ZMYND11: variants seen among roughly 807,000 people sequenced by gnomAD.
The protein encoded by ZMYND11 is zinc finger MYND domain-containing protein 11.
In ZMYND11, 9 loss-of-function variants were observed where a neutral mutation model predicts 84.9. That is an observed-to-expected ratio of 0.11 (90% CI 0.06 to 0.18). The LOEUF (loss-of-function observed/expected upper bound fraction) is 0.18, where lower values mean the gene tolerates loss of function less well. Among genes scored for constraint, ZMYND11 ranks in the 10% least tolerant of loss-of-function variants. The probability of loss-of-function intolerance (pLI) is 1.00; values close to 1 mark genes in which losing one functional copy is unlikely to be tolerated. For synonymous variants in ZMYND11, 250 were observed against 244.1 expected, an observed-to-expected ratio of 1.02 and a Z score of -0.23; for missense variants, 409 against 761.0, an observed-to-expected ratio of 0.54 and a Z score of 5.44.
intron 1 of ZMYND11, among the ~76,000 whole-genome samples, chr10:163,508 C>T (rs11250575): frequency 0.26 from 40,221 of 151,970 alleles, 6,005 homozygotes; most frequent in Non-Finnish European, 0.35. Context: ...AACCCTTTAA[C>T]GGAATTTGTT....
chr10:251,218 A>T (rs1953419950), intron 14 of ZMYND11, among the ~76,000 whole-genome samples: 1 of 152,140 alleles, frequency 6.6e-6, no homozygotes, highest in Non-Finnish European at 1.5e-5. Flanking sequence ...TATTTGGGAG[A>T]AGGGATGGTG....
chr10:130,773 T>A (rs1402560727), upstream of ZMYND11, among the ~76,000 whole-genome samples: 1 of 152,112 alleles, frequency 6.6e-6, no homozygotes, highest in South Asian at 2.1e-4. Flanking sequence ...TCACAGTGAG[T>A]TGGAATTTGG....
intron 2 of ZMYND11, among the ~76,000 whole-genome samples, chr10:183,763 A>T (rs868301060): frequency 6.6e-6 from 1 of 152,274 alleles, no homozygotes; most frequent in South Asian, 2.1e-4. Flanking sequence ...TCCATTTTCG[A>T]CATACCCCTT....
intron 2 of ZMYND11, among the ~76,000 whole-genome samples, chr10:199,224 ACT>A (rs999411852): frequency 6.8e-5 from 10 of 146,846 alleles, no homozygotes; most frequent in African/African-American, 2.3e-4. Context: ...TGGTAGCAGA[ACT>A]CTCTCTCTCT....
At chr10:237,058 C>T in intron 5 of ZMYND11, 143 bp downstream of exon 5, 1 of 740,484 alleles carries the variant, frequency 1.4e-6, no homozygotes, top group Non-Finnish European at 2.1e-6. Context: ...TGTCATATTT[C>T]TTTTTTGCAG....
chr10:136,096 T>G (rs1240378296), intron 1 of ZMYND11, among the ~76,000 whole-genome samples: 1 of 151,468 alleles, frequency 6.6e-6, no homozygotes, highest in East Asian at 2.0e-4. Flanking sequence ...GATTCGTCGG[T>G]CCCCCGGGGC....
intron 1 of ZMYND11, among the ~76,000 whole-genome samples, chr10:145,254 A>G (rs1838534600): frequency 6.6e-6 from 1 of 151,122 alleles, no homozygotes; most frequent in African/African-American, 2.4e-5. Flanking sequence ...ATGTATATAT[A>G]TATATGTATA....
At chr10:211,382 C>G (rs1274656987) in intron 3 of ZMYND11, among the ~76,000 whole-genome samples, 2 of 152,104 alleles carry the variant, frequency 1.3e-5, no homozygotes, top group East Asian at 3.9e-4. Flanking sequence ...TCTCTAAAAT[C>G]TAAAATTATA....
intron 1 of ZMYND11, among the ~76,000 whole-genome samples, chr10:164,258 A>C (rs889754988): frequency 1.3e-5 from 2 of 152,152 alleles, no homozygotes; most frequent in Non-Finnish European, 2.9e-5. Context: ...TTCTTTCTCA[A>C]TTAACGGCTT....
chr10:210,161 T>A, intron 3 of ZMYND11, 113 bp downstream of exon 3: 1 of 1,212,308 alleles, frequency 8.2e-7, no homozygotes, highest in Non-Finnish European at 1.2e-6. Context: ...CATTTTAACA[T>A]TTGTATCAAC....
At chr10:212,316 G>C (rs1945384659) in intron 3 of ZMYND11, among the ~76,000 whole-genome samples, 1 of 151,686 alleles carries the variant, frequency 6.6e-6, no homozygotes, top group African/African-American at 2.4e-5. Context: ...TTTTTCTTCT[G>C]TCTAGATGAA....
chr10:248,570 C>T lies in ZMYND11; in HGVS notation c.1462C>T (p.Arg488Trp). The change falls in exon 13 of 15, where the codon CGG (arginine) becomes TGG (tryptophan). Residue 488 changes from arginine (R) to tryptophan (W), a missense_variant. Arg to Trp is a moderately radical substitution (Grantham distance 101, BLOSUM62 -3). Around this residue, in one of 7 missense-constraint regions of ZMYND11, gnomAD observed 141 missense variants for 173.8 expected, o/e 0.81. Coordinates refer to ENST00000381604, the MANE Select transcript of ZMYND11 (RefSeq NM_001370100.5). Reference protein sequence around the residue: ...FKDRMKSDHKRETERVVREAL... With the variant: ...FKDRMKSDHKWETERVVREAL... ...AGACCGGATGAAGTCGGACCACAAG[C>T]GGGAGACAGAGCGTGTTGTCCGAGA... The T allele has an allele frequency of 1.2e-6, 2 of 1,612,702 alleles. No individual in the cohort carries two copies. Among genetic ancestry groups the T allele is most frequent in the Non-Finnish European group, 1.7e-6 (2 of 1,179,774 alleles).
At chr10:201,285 T>G (rs1334909763) in intron 2 of ZMYND11, among the ~76,000 whole-genome samples, 1 of 152,146 alleles carries the variant, frequency 6.6e-6, no homozygotes, top group Non-Finnish European at 1.5e-5. Flanking sequence ...CACAGTGGTG[T>G]GAACTATTTA....
chr10:145,204 G>A (rs1041961244), intron 1 of ZMYND11, among the ~76,000 whole-genome samples: 2 of 146,694 alleles, frequency 1.4e-5, no homozygotes, highest in African/African-American at 4.9e-5. Context: ...ATATGTGTGT[G>A]TATATATATG....
intron 10 of ZMYND11, among the ~76,000 whole-genome samples, chr10:245,586 C>T (rs1043356866): frequency 4.6e-5 from 7 of 152,194 alleles, no homozygotes; most frequent in African/African-American, 1.7e-4. Flanking sequence ...ATGTCTGTTA[C>T]TCATGCATCC....
rs1835825293 is a variant in ZMYND11, at chr10:135,729, T to G, written c.-20+170T>G. On this transcript the variant is annotated intron_variant, in intron 1 of 14. Transcript: ENST00000381604. This position sits in a 1 kb window ranked among gnomAD's most constrained non-coding sequence, Gnocchi z 5.6. ...AAGAGCTCCGAGCTGCCGGGGAGCT[T>G]TGTGGATGGCGGGGCGGGCCGGGCC... Among the ~76,000 whole-genome samples the G allele has an allele frequency of 1.4e-5, 2 of 142,118 alleles. No homozygotes were observed. The allele number at this position is 142,118 out of a possible 152,430, so 93.2% of individuals were successfully genotyped here. A position where few individuals can be genotyped will look rare whatever the true frequency, so the allele number is the denominator to read the frequency against.
chr10:238,467 C>T (rs1020305594), intron 6 of ZMYND11, among the ~76,000 whole-genome samples: 1 of 152,136 alleles, frequency 6.6e-6, no homozygotes, highest in Non-Finnish European at 1.5e-5. Flanking sequence ...CGCCATTCTC[C>T]TGCCTCAGCC....
chr10:228,203 A>T (rs1948447233), intron 4 of ZMYND11, among the ~76,000 whole-genome samples: 1 of 152,234 alleles, frequency 6.6e-6, no homozygotes, highest in Non-Finnish European at 1.5e-5. Context: ...AGAAGAAGAA[A>T]AAAAGCTCAT....
At chr10:183,414 A>G (rs1438377411) in intron 2 of ZMYND11, among the ~76,000 whole-genome samples, 3 of 152,020 alleles carry the variant, frequency 2.0e-5, no homozygotes, top group Non-Finnish European at 2.9e-5. Flanking sequence ...TGGGAGTGGT[A>G]TGTTCTACCA....
Sources: gnomAD v4.1 joint callset for allele counts (sites outside exome capture counted in the v4.1 genomes callset) on GRCh38, gnomAD v4.1.1 for gene constraint, gnomAD v4.1.1 regional missense constraint, Gnocchi (gnomAD v3.1) non-coding constraint, MANE v1.5 for transcripts, NCBI Gene and HGNC (gene_info 2026-07-23, HGNC 2026-07-21) for gene names.